Variants in NEK1 observed in about 807,000 individuals in gnomAD.
NEK1 encodes serine/threonine-protein kinase Nek1.
NEK1 carries 137 observed loss-of-function variants against 182.1 expected under a neutral mutation model. The ratio of observed to expected loss-of-function variants is 0.75; its 90% CI spans 0.65 to 0.87. The LOEUF is 0.87. Ranked by LOEUF, NEK1 falls within the 40% of genes least tolerant of loss-of-function variation. The pLI is 0.00. For missense variants in NEK1, 1,391 were observed against 1,494.4 expected (o/e 0.93, Z 1.14); for synonymous variants, 513 against 492.2 (o/e 1.04, Z -0.56).
At position 169,579,848 on chromosome 4, in the gene NEK1, C is replaced by G. The variant is rs528388958; in HGVS notation, c.868+994G>C. On this transcript the variant is annotated intron_variant, in intron 11 of 35. Transcript: ENST00000507142. The stretch of plus-strand genomic sequence containing the variant: ...CCTTCCTGAGAACGCACTGTCATAC[C>G]ACTTCTAGCTAAATGGGCTCATTTT... Among the ~76,000 whole-genome samples, 10 of 151,182 alleles carry G rather than the reference C, an allele frequency of 6.6e-5. 1 individual carries two copies. The South Asian group carries it at 2.1e-3, about 32-fold the overall frequency.
intron 23 of NEK1, among the ~76,000 whole-genome samples, chr4:169,491,354 A>G (rs1750059461): frequency 6.6e-6 from 1 of 152,122 alleles, no homozygotes; most frequent in African/African-American, 2.4e-5. Context: ...GAATTTTAAA[A>G]GCAGAGGGAG....
chr4:169,584,847 G>A (rs938636209), intron 10 of NEK1, among the ~76,000 whole-genome samples: 5 of 152,010 alleles, frequency 3.3e-5, no homozygotes, highest in Non-Finnish European at 5.9e-5. Flanking sequence ...AGAGAACAGA[G>A]GAATAACGCA....
chr4:169,513,401 A>G (rs1206777841), intron 19 of NEK1, among the ~76,000 whole-genome samples: 1 of 152,090 alleles, frequency 6.6e-6, no homozygotes, highest in East Asian at 1.9e-4. Context: ...TATAAATTCA[A>G]TTGATTTTTG....
intron 19 of NEK1, among the ~76,000 whole-genome samples, chr4:169,525,985 G>T (rs1037025977): frequency 3.9e-5 from 6 of 152,084 alleles, no homozygotes; most frequent in Admixed American, 6.5e-5. Context: ...CCACTACAAA[G>T]AATTACTATC....
At chr4:169,536,053 C>T (rs1340588657) in intron 19 of NEK1, among the ~76,000 whole-genome samples, 2 of 149,400 alleles carry the variant, frequency 1.3e-5, no homozygotes, top group East Asian at 2.0e-4. Flanking sequence ...ACAGCACTTT[C>T]GGAGGCCAAG....
intron 26 of NEK1, among the ~76,000 whole-genome samples, chr4:169,476,041 G>C (rs972146402): frequency 1.3e-5 from 2 of 152,162 alleles, no homozygotes; most frequent in African/African-American, 4.8e-5. Flanking sequence ...ATGGCTGAAA[G>C]TGTTCCAAAT....
intron 18 of NEK1, among the ~76,000 whole-genome samples, chr4:169,553,477 G>A (rs1177240380): frequency 6.6e-6 from 1 of 152,004 alleles, no homozygotes; most frequent in African/African-American, 2.4e-5. Flanking sequence ...TAACACCAGA[G>A]ACACAATCCA....
At position 169,396,024 on chromosome 4, in the gene NEK1, T is replaced by C. The variant is rs150639762; in HGVS notation, c.3848-1501A>G. ...ATTTCATTACATAAACGCAGCCCAATATTCCACCTAAAATGAATATGAAGA... is the reference window on the plus strand; with the variant it reads ...ATTTCATTACATAAACGCAGCCCAACATTCCACCTAAAATGAATATGAAGA... On this transcript the variant is annotated intron_variant, in intron 35 of 35. Coordinates refer to ENST00000507142, the MANE Select transcript of NEK1 (RefSeq NM_001199397.3). 1.4e-4 allele frequency among the ~76,000 whole-genome samples: 21 copies of C among 152,218 alleles called. No individual in the cohort carries two copies. The East Asian group carries it at 1.9e-3, about 14-fold the overall frequency.
At chr4:169,525,154 A>T (rs1756700673) in intron 19 of NEK1, among the ~76,000 whole-genome samples, 1 of 152,142 alleles carries the variant, frequency 6.6e-6, no homozygotes, top group African/African-American at 2.4e-5. Flanking sequence ...GTTGAGAAAG[A>T]ATCTTGCTCT....
At chr4:169,507,195 TTTTTTGG>T in intron 22 of NEK1, 63 bp from the exon 23 acceptor site, 1 of 992,826 alleles carries the variant, frequency 1.0e-6, no homozygotes, top group Non-Finnish European at 1.4e-6. Context: ...TTTTTTTTTT[TTTTTTGG>T]GCCAGGTCTA....
At chr4:169,575,427 C>A (rs1445107532) in intron 12 of NEK1, among the ~76,000 whole-genome samples, 1 of 152,234 alleles carries the variant, frequency 6.6e-6, no homozygotes, top group Non-Finnish European at 1.5e-5. Context: ...CCTGTTACTG[C>A]AGCAAGTGGG....
intron 12 of NEK1, among the ~76,000 whole-genome samples, chr4:169,567,714 A>C (rs1763945965): frequency 6.6e-6 from 1 of 152,208 alleles, no homozygotes; most frequent in African/African-American, 2.4e-5. Context: ...TTTTAAAATA[A>C]GCTATATAAT....
chr4:169,609,109 G>C (rs1325629759), intron 2 of NEK1, among the ~76,000 whole-genome samples: 1 of 151,446 alleles, frequency 6.6e-6, no homozygotes, highest in Non-Finnish European at 1.5e-5. Context: ...AAATACAAGG[G>C]GTAAGTTTTA....
At chr4:169,514,530 C>T (rs949336827) in intron 19 of NEK1, among the ~76,000 whole-genome samples, 13 of 152,124 alleles carry the variant, frequency 8.5e-5, no homozygotes, top group African/African-American at 2.2e-4. Context: ...TTTTGAATCA[C>T]GAATTCAACT....
At chr4:169,591,154 CA>C (rs200046715) in intron 5 of NEK1, among the ~76,000 whole-genome samples, 10,841 of 149,360 alleles carry the variant, frequency 0.073, 1,291 homozygotes, top group African/African-American at 0.24. Flanking sequence ...GCCCCCCCCC[CA>C]CTTCTTTAGG....
intron 31 of NEK1, among the ~76,000 whole-genome samples, chr4:169,420,815 G>C (rs777070033): frequency 3.3e-5 from 5 of 152,056 alleles, no homozygotes; most frequent in Admixed American, 6.6e-5. Flanking sequence ...ACAAAAAAGT[G>C]ATCAAATAGA....
At chr4:169,427,252 G>C (rs913620269) in intron 29 of NEK1, among the ~76,000 whole-genome samples, 7 of 150,352 alleles carry the variant, frequency 4.7e-5, no homozygotes, top group Admixed American at 2.0e-4. Context: ...TCAGCCTCCC[G>C]AGTAGCTGGG....
chr4:169,558,909 C>T (rs1383957056), intron 16 of NEK1, among the ~76,000 whole-genome samples: 3 of 151,934 alleles, frequency 2.0e-5, no homozygotes, highest in African/African-American at 7.3e-5. Flanking sequence ...GGGGAATCTC[C>T]TTAATTTGAT....
At chr4:169,583,617 T>C (rs1767043708) in intron 10 of NEK1, among the ~76,000 whole-genome samples, 1 of 152,218 alleles carries the variant, frequency 6.6e-6, no homozygotes, top group South Asian at 2.1e-4. Flanking sequence ...TACTTCAGCC[T>C]TGAGACAGTA....
Sources: gnomAD v4.1 joint callset for allele counts (sites outside exome capture counted in the v4.1 genomes callset) on GRCh38, gnomAD v4.1.1 for gene constraint, MANE v1.5 for transcripts, NCBI Gene and HGNC (gene_info 2026-07-23, HGNC 2026-07-21) for gene names.